TDRD3: variants seen among roughly 807,000 people sequenced by gnomAD.
The protein encoded by TDRD3 is tudor domain-containing protein 3.
A neutral mutation model predicts 86.7 loss-of-function variants in TDRD3; 45 were observed. The observed-to-expected ratio is 0.52, with a 90% CI of 0.41 to 0.67. TDRD3 has a LOEUF of 0.67. TDRD3 is among the 30% of genes least tolerant of loss of function. The pLI, the probability that TDRD3 is intolerant of heterozygous loss-of-function variation, is 0.00. For synonymous variants in TDRD3, 298 were observed against 301.7 expected (o/e 0.99, Z 0.13); for missense variants, 814 against 889.0 (o/e 0.92, Z 1.07).
chr13:60,447,560 A>G (rs1955432036), intron 3 of TDRD3, among the ~76,000 whole-genome samples: 1 of 152,164 alleles, frequency 6.6e-6, no homozygotes, highest in Non-Finnish European at 1.5e-5. Flanking sequence ...TATGTCAGCT[A>G]GGTATCTTGT....
intron 4 of TDRD3, among the ~76,000 whole-genome samples, chr13:60,466,862 T>C (rs375985929): frequency 6.6e-6 from 1 of 152,092 alleles, no homozygotes; most frequent in East Asian, 1.9e-4. Flanking sequence ...TCATATGATA[T>C]AGTCAGCCTC....
intron 1 of TDRD3, among the ~76,000 whole-genome samples, chr13:60,415,746 C>T (rs1414837267): frequency 1.3e-5 from 2 of 152,018 alleles, no homozygotes; most frequent in Non-Finnish European, 2.9e-5. Context: ...CTACCATGTC[C>T]AGAGATTTAT....
At chr13:60,495,971 G>C (rs1956704209) in intron 8 of TDRD3, among the ~76,000 whole-genome samples, 1 of 152,038 alleles carries the variant, frequency 6.6e-6, no homozygotes, top group Non-Finnish European at 1.5e-5. Flanking sequence ...TATTGATCCT[G>C]AGTGTGTCTG....
intron 12 of TDRD3, among the ~76,000 whole-genome samples, chr13:60,544,457 A>G (rs1251962120): frequency 6.6e-6 from 1 of 151,030 alleles, no homozygotes; most frequent in East Asian, 1.9e-4. Context: ...AAAAAAAAAA[A>G]AAGAAAGAAA....
intron 10 of TDRD3, among the ~76,000 whole-genome samples, chr13:60,522,446 T>G (rs575170503): frequency 6.6e-6 from 1 of 152,324 alleles, no homozygotes; most frequent in African/African-American, 2.4e-5. Context: ...TAATGCTAAT[T>G]AAACATTTAT....
chr13:60,425,873 CATTTT>C (rs887197157), intron 1 of TDRD3, among the ~76,000 whole-genome samples: 22 of 152,034 alleles, frequency 1.4e-4, no homozygotes, highest in Non-Finnish European at 2.5e-4. Flanking sequence ...GTTTTTGTAA[CATTTT>C]CTTTTTATTG....
At chr13:60,555,842 C>G (rs1958169743) in intron 12 of TDRD3, among the ~76,000 whole-genome samples, 1 of 145,218 alleles carries the variant, frequency 6.9e-6, no homozygotes, top group African/African-American at 2.6e-5. Flanking sequence ...AAAAACCAAC[C>G]TATTTCTTTC....
chr13:60,501,053 A>C (rs1458432163), intron 8 of TDRD3, among the ~76,000 whole-genome samples: 1 of 152,178 alleles, frequency 6.6e-6, no homozygotes, highest in African/African-American at 2.4e-5. Context: ...CCTTGGGGTG[A>C]TCAGCCAGCT....
intron 8 of TDRD3, among the ~76,000 whole-genome samples, chr13:60,504,838 C>T (rs145525685): frequency 2.6e-5 from 4 of 152,172 alleles, no homozygotes; most frequent in East Asian, 1.9e-4. Context: ...CACAAGGGGT[C>T]GGGGAACTGT....
intron 8 of TDRD3, among the ~76,000 whole-genome samples, chr13:60,497,990 T>TA (rs914848033): frequency 2.0e-4 from 30 of 150,230 alleles, no homozygotes; most frequent in East Asian, 1.4e-3. Context: ...CTCGGGGGGT[T>TA]AAAAAAAAAG....
Position 60,482,971 on chromosome 13 carries a change from A to G in TDRD3, c.496-804A>G, listed in dbSNP as rs75326041. On this transcript the variant is annotated intron_variant, in intron 5 of 13. Transcript: ENST00000377881. ...AACAACTAGTAAGACAAATGTATGT[A>G]TATATTAATACCTCAAAACCAAAAT... 1.1e-4 allele frequency among the ~76,000 whole-genome samples: 17 copies of G among 152,198 alleles called. 1 individual carries two copies. In the East Asian group the frequency reaches 2.9e-3, roughly 26 times the overall value.
chr13:60,565,290 C>T (rs990213886), intron 12 of TDRD3, among the ~76,000 whole-genome samples: 3 of 151,910 alleles, frequency 2.0e-5, no homozygotes, highest in Admixed American at 6.6e-5. Flanking sequence ...CTCCAGACCT[C>T]GTGATCCGCC....
rs1413744895 is a variant in TDRD3 at position 60,494,586 on chromosome 13, AG to A, written c.858+12del. On this transcript the variant is annotated intron_variant, in intron 8 of 13. Coordinates refer to ENST00000377881, the MANE Select transcript of TDRD3 (RefSeq NM_001146070.2). ...GTCTATAGAGAACTGGTAAGGCTAA[AG>A]AACTAACCACAAATTTAAAGTGTTA... is the stretch of plus-strand genomic sequence containing the variant. The A allele has an allele frequency of 1.9e-6, 3 of 1,603,098 alleles. No homozygotes were observed. In the African/African-American group the frequency reaches 4.0e-5, roughly 22 times the overall value.
At chr13:60,488,561 A>G (rs1956502042) in intron 7 of TDRD3, among the ~76,000 whole-genome samples, 1 of 151,304 alleles carries the variant, frequency 6.6e-6, no homozygotes, top group Non-Finnish European at 1.5e-5. Flanking sequence ...TTTAAATTGG[A>G]TTGTTTGGGT....
intron 1 of TDRD3, among the ~76,000 whole-genome samples, chr13:60,422,803 T>C (rs1249861727): frequency 6.6e-6 from 1 of 152,092 alleles, no homozygotes; most frequent in African/African-American, 2.4e-5. Flanking sequence ...TTTGGAATAA[T>C]ATTCAAGTCA....
Position 60,444,716 on chromosome 13 carries a change from C to A in TDRD3, c.160C>A (p.Pro54Thr). The A allele has an allele frequency of 6.7e-7, 1 of 1,482,212 alleles. No homozygotes were observed. The highest frequency in any genetic ancestry group is 9.0e-7 in the Non-Finnish European group (1 of 1,106,542). The allele number at this position is 1,482,212 out of a possible 1,614,324, so 91.8% of individuals were successfully genotyped here. Residue 54 changes from proline (P) to threonine (T), a missense_variant, in exon 3 of 14, where the codon CCC (proline) becomes ACC (threonine). By Grantham distance (38) the Pro-to-Thr change is conservative. Transcript: ENST00000377881. ...GAGAACAATTGGCAAGAAATTCCTC[C>A]CCAGTGACATCAATAGTGGAAAGGT... ...DLRTIGKKFL[P>T]SDINSGKVEK...
At chr13:60,504,838 CG>C (rs1170894095) in intron 8 of TDRD3, among the ~76,000 whole-genome samples, 1 of 152,054 alleles carries the variant, frequency 6.6e-6, no homozygotes, top group Non-Finnish European at 1.5e-5. Context: ...CACAAGGGGT[CG>C]GGGAACTGTC....
chr13:60,408,049 C>A (rs1000628802), intron 1 of TDRD3, among the ~76,000 whole-genome samples: 1 of 152,150 alleles, frequency 6.6e-6, no homozygotes, highest in African/African-American at 2.4e-5. Flanking sequence ...GTGCCTTTCA[C>A]GTCCCGCCAT....
chr13:60,510,074 G>A lies in TDRD3; in HGVS notation c.1015+155G>A, dbSNP rs565779265. Among the ~76,000 whole-genome samples the A allele has an allele frequency of 2.0e-5, 3 of 152,264 alleles. No homozygotes were observed. The South Asian group carries it at 6.2e-4, about 32-fold the overall frequency. ...CAGTTTGGGAACCATAGAGACATTT[G>A]TAGTCTCAGTCTCATTGTCTTCATC... On this transcript the variant is annotated intron_variant, in intron 9 of 13. Coordinates refer to ENST00000377881, the MANE Select transcript of TDRD3 (RefSeq NM_001146070.2).
Sources: gnomAD v4.1 joint callset for allele counts (sites outside exome capture counted in the v4.1 genomes callset) on GRCh38, gnomAD v4.1.1 for gene constraint, MANE v1.5 for transcripts, NCBI Gene and HGNC (gene_info 2026-07-23, HGNC 2026-07-21) for gene names.